Variants in LRRFIP1 observed in about 807,000 individuals in gnomAD.
LRRFIP1 encodes LRR binding FLII interacting protein 1, also known as leucine-rich repeat flightless-interacting protein 1.
Under a neutral mutation model 104.4 loss-of-function variants are expected in LRRFIP1, and 62 were observed. The ratio of observed to expected loss-of-function variants is 0.59; its 90% CI spans 0.48 to 0.73. The LOEUF (loss-of-function observed/expected upper bound fraction) is 0.73. LRRFIP1 is among the 30% of genes least tolerant of loss of function. LRRFIP1 has a pLI of 0.00. For synonymous variants in LRRFIP1, 300 were observed against 299.0 expected, an observed-to-expected ratio of 1.00 and a Z score of -0.03; for missense variants, 796 against 824.5, an observed-to-expected ratio of 0.97 and a Z score of 0.42.
chr2:237,745,350 C>G (rs55915559), intron 11 of LRRFIP1, among the ~76,000 whole-genome samples: 9,620 of 152,282 alleles, frequency 0.063, 406 homozygotes, highest in Middle Eastern at 0.12. Flanking sequence ...GTTCATTTGC[C>G]ATCACCTTTC....
chr2:237,771,939 T>G, intron 20 of LRRFIP1, 142 bp from the exon 21 acceptor site: 1 of 611,732 alleles, frequency 1.6e-6, no homozygotes, highest in Non-Finnish European at 2.9e-6. Context: ...CATTGAATTG[T>G]GTTTCTGAGA....
At chr2:237,762,967 C>T in intron 19 of LRRFIP1, 1 of 1,614,192 alleles carries the variant, frequency 6.2e-7, no homozygotes, top group Non-Finnish European at 8.5e-7. Flanking sequence ...ATGGTGGGAA[C>T]CACACAGAGA....
intron 6 of LRRFIP1, 96 bp downstream of exon 6, chr2:237,720,918 C>T (rs2094514968): frequency 9.1e-7 from 1 of 1,097,936 alleles, no homozygotes; most frequent in African/African-American, 1.5e-5. Flanking sequence ...TTCATTATCC[C>T]CGTGGTCTGA....
rs1428117146 is a variant in LRRFIP1, at chr2:237,661,421, A to G, written c.96+33681A>G. 6.6e-6 allele frequency among the ~76,000 whole-genome samples: 1 copy of G among 152,050 alleles called. No homozygotes were observed. Among genetic ancestry groups the G allele is most frequent in the African/African-American group, 2.4e-5 (1 of 41,390 alleles). On this transcript the variant is annotated intron_variant, in intron 1 of 23. Coordinates refer to ENST00000308482, the MANE Select transcript of LRRFIP1 (RefSeq NM_001137550.2). This position sits in a 1 kb window ranked among gnomAD's most constrained non-coding sequence, Gnocchi z 4.4. ...CCTCTGATGCTCCCAGACAGTGGAA[A>G]CTTTTTGTTCCCCAAAGCCCTCCAG...
Position 237,657,491 on chromosome 2 carries a change from AAAC to A in LRRFIP1, c.96+29769_96+29771del, listed in dbSNP as rs527479687. Among the ~76,000 whole-genome samples, 525 of 152,170 alleles carry A rather than the reference AAAC, an allele frequency of 3.5e-3. 1 individual carries two copies. The highest frequency in any genetic ancestry group is 0.01 in the Middle Eastern group (3 of 294). ...AGAGGTTCTTGAGAAGACAGGCAAA[AAAC>A]AACAACAACAACAACAAATCAAGAT... On this transcript the variant is annotated intron_variant, in intron 1 of 23. Coordinates refer to ENST00000308482, the MANE Select transcript of LRRFIP1 (RefSeq NM_001137550.2).
intron 1 of LRRFIP1, chr2:237,692,193 C>T (rs1402047279): frequency 2.9e-6 from 3 of 1,050,560 alleles, no homozygotes; most frequent in African/African-American, 1.7e-5. Flanking sequence ...GCCCGAGTCC[C>T]GCTTCCCCGG....
chr2:237,774,501 C>A, intron 23 of LRRFIP1, 39 bp downstream of exon 23: 1 of 1,344,504 alleles, frequency 7.4e-7, no homozygotes, highest in Non-Finnish European at 1.1e-6. Flanking sequence ...AGAATGGCTG[C>A]CAGTATTTCT....
intron 13 of LRRFIP1, among the ~76,000 whole-genome samples, chr2:237,750,949 T>C (rs2058554634): frequency 6.6e-6 from 1 of 152,264 alleles, no homozygotes; most frequent in Admixed American, 6.5e-5. Context: ...CTATTTTGTC[T>C]GTTTTTTAAA....
Position 237,708,547 on chromosome 2 carries a change from G to A in LRRFIP1, c.100G>A (p.Glu34Lys). The change falls in exon 2 of 24, where the codon GAA (glutamate) becomes AAA (lysine). Residue 34 changes from glutamate (E) to lysine (K), a missense_variant. Coordinates refer to ENST00000308482, the MANE Select transcript of LRRFIP1 (RefSeq NM_001137550.2). ...DALNQIAREAEARLAAKRAAR... is the reference protein window; with the variant it reads ...DALNQIAREAKARLAAKRAAR... ...TAAGATGCCCTGTCCGTTTCAGGCGGAAGCCCGGCTCGCTGCAAAACGGGC... is the reference window on the plus strand; with the variant it reads ...TAAGATGCCCTGTCCGTTTCAGGCGAAAGCCCGGCTCGCTGCAAAACGGGC... 6.4e-7 allele frequency: 1 copy of A among 1,572,104 alleles called. No homozygotes were observed. Among genetic ancestry groups the A allele is most frequent in the South Asian group, 1.2e-5 (1 of 83,746 alleles).
chr2:237,676,360 G>A (rs2091162281), intron 1 of LRRFIP1, among the ~76,000 whole-genome samples: 1 of 152,186 alleles, frequency 6.6e-6, no homozygotes, highest in African/African-American at 2.4e-5. Flanking sequence ...ACCAGAAACT[G>A]TTGTTGAATC....
chr2:237,634,533 G>T (rs1431236579), intron 1 of LRRFIP1, among the ~76,000 whole-genome samples: 1 of 152,204 alleles, frequency 6.6e-6, no homozygotes, highest in Non-Finnish European at 1.5e-5. Flanking sequence ...TAGGTAAGAT[G>T]GGAAAGTTTT....
At chr2:237,689,497 C>A (rs561281196) in intron 1 of LRRFIP1, among the ~76,000 whole-genome samples, 1 of 152,282 alleles carries the variant, frequency 6.6e-6, no homozygotes, top group Admixed American at 6.5e-5. Flanking sequence ...TGGTAATGTT[C>A]ATTTGTTCCT....
At chr2:237,749,385 AT>A (rs2058290425) in intron 13 of LRRFIP1, 61 bp downstream of exon 13, 1 of 1,553,464 alleles carries the variant, frequency 6.4e-7, no homozygotes. Context: ...CAGTCTTTAG[AT>A]TAAAAAAAAA....
chr2:237,772,433 T>A, intron 21 of LRRFIP1: 1 of 498,010 alleles, frequency 2.0e-6, no homozygotes, highest in Non-Finnish European at 3.6e-6. Flanking sequence ...CCACCACATG[T>A]TGTGCCGATG....
chr2:237,654,645 G>C (rs2086497465), intron 1 of LRRFIP1, among the ~76,000 whole-genome samples: 1 of 152,070 alleles, frequency 6.6e-6, no homozygotes, highest in Admixed American at 6.5e-5. Context: ...CCGCCTCACG[G>C]GTTCAAGTGA....
intron 1 of LRRFIP1, among the ~76,000 whole-genome samples, chr2:237,678,214 C>A (rs968620454): frequency 6.6e-6 from 1 of 152,154 alleles, no homozygotes; most frequent in Non-Finnish European, 1.5e-5. Flanking sequence ...AAATAACCAG[C>A]GCAAAGTTCA....
chr2:237,743,237 C>T lies in LRRFIP1; in HGVS notation c.633+3928C>T, dbSNP rs564125772. Among the ~76,000 whole-genome samples, 11 of 151,318 alleles carry T rather than the reference C, an allele frequency of 7.3e-5. No individual in the cohort carries two copies. In the South Asian group the frequency reaches 2.1e-3, roughly 29 times the overall value. ...GCCCTGCAGGCTCTGTAGGGAGTCC[C>T]GCCCTGGGTTTGGGAGATACAGGTG... On this transcript the variant is annotated intron_variant, in intron 11 of 23. Coordinates refer to ENST00000308482, the MANE Select transcript of LRRFIP1 (RefSeq NM_001137550.2).
rs1320737117 is a variant in LRRFIP1, at chr2:237,751,227, C to G, written c.823C>G (p.Gln275Glu). ...KELNELKDQI[Q>E]DVEGKYMQGL... ...ACTCAATGAGTTAAAGGACCAGATTCAGGATGTAGAAGGCAAATACATGCA... is the reference window on the plus strand; with the variant it reads ...ACTCAATGAGTTAAAGGACCAGATTGAGGATGTAGAAGGCAAATACATGCA... Residue 275 changes from glutamine to glutamate, a missense_variant, in exon 14 of 24, where the codon CAG becomes GAG. Gln to Glu is a conservative substitution (Grantham distance 29). Coordinates refer to ENST00000308482, the MANE Select transcript of LRRFIP1 (RefSeq NM_001137550.2). The G allele has an allele frequency of 6.2e-7, 1 of 1,610,394 alleles. No homozygotes were observed. The highest frequency in any genetic ancestry group is 8.5e-7 in the Non-Finnish European group (1 of 1,178,406).
chr2:237,772,385 T>C, intron 21 of LRRFIP1, 187 bp downstream of exon 21: 1 of 557,644 alleles, frequency 1.8e-6, no homozygotes, highest in Non-Finnish European at 3.2e-6. Context: ...TCTGAGCCTA[T>C]GAAATAGAAC....
Sources: gnomAD v4.1 joint callset for allele counts (sites outside exome capture counted in the v4.1 genomes callset) on GRCh38, gnomAD v4.1.1 for gene constraint, Gnocchi (gnomAD v3.1) non-coding constraint, MANE v1.5 for transcripts, NCBI Gene and HGNC (gene_info 2026-07-23, HGNC 2026-07-21) for gene names.